MCTP1: variants seen among roughly 807,000 people sequenced by gnomAD.
MCTP1 encodes the protein multiple C2 and transmembrane domain-containing protein 1.
A neutral mutation model predicts 120.6 loss-of-function variants in MCTP1; 69 were observed. The ratio of observed to expected loss-of-function variants is 0.57; its 90% confidence interval spans 0.47 to 0.70. The LOEUF (loss-of-function observed/expected upper bound fraction) is 0.70, where lower values mean the gene tolerates loss of function less well. Among genes scored for constraint, MCTP1 ranks in the 30% least tolerant of loss-of-function variants. The pLI, the probability that MCTP1 is intolerant of heterozygous loss-of-function variation, is 0.00. For synonymous variants in MCTP1, 529 were observed against 493.1 expected, an observed-to-expected ratio of 1.07 and a Z score of -0.96; for missense variants, 1,203 against 1,248.8, an observed-to-expected ratio of 0.96 and a Z score of 0.55.
intron 2 of MCTP1, among the ~76,000 whole-genome samples, chr5:95,016,328 T>C (rs925387734): frequency 6.6e-6 from 1 of 152,132 alleles, no homozygotes; most frequent in Non-Finnish European, 1.5e-5. Context: ...GAATGTTTGA[T>C]ATTTGCTAGT....
intron 18 of MCTP1, among the ~76,000 whole-genome samples, chr5:94,787,761 T>G (rs1369099594): frequency 6.6e-6 from 1 of 152,026 alleles, no homozygotes; most frequent in African/African-American, 2.4e-5. Flanking sequence ...GGACTGCAGG[T>G]GCCCGCCATC....
intron 1 of MCTP1, among the ~76,000 whole-genome samples, chr5:95,281,024 A>G (rs994864056): frequency 7.2e-5 from 11 of 152,240 alleles, no homozygotes; most frequent in African/African-American, 2.7e-4. Context: ...AGAACAAGAG[A>G]AAAAATTAAA....
At chr5:94,747,873 C>G (rs1767290111) in intron 19 of MCTP1, among the ~76,000 whole-genome samples, 1 of 152,126 alleles carries the variant, frequency 6.6e-6, no homozygotes, top group Non-Finnish European at 1.5e-5. Context: ...GGTGGATCAT[C>G]TGAGGTCAGG....
intron 1 of MCTP1, among the ~76,000 whole-genome samples, chr5:95,140,319 G>A (rs1425678057): frequency 6.6e-6 from 1 of 152,126 alleles, no homozygotes; most frequent in African/African-American, 2.4e-5. Context: ...TATTGAAGGT[G>A]TTTAAGGCAA....
At chr5:94,826,659 C>A in intron 17 of MCTP1, 1 of 735,962 alleles carries the variant, frequency 1.4e-6, no homozygotes, top group Non-Finnish European at 2.4e-6. Flanking sequence ...TCTGGCACAG[C>A]AGGAACCTTC....
intron 1 of MCTP1, among the ~76,000 whole-genome samples, chr5:95,176,359 T>A (rs557464583): frequency 6.6e-6 from 1 of 152,036 alleles, no homozygotes; most frequent in African/African-American, 2.4e-5. Context: ...GCCCCATCTC[T>A]ACTAAAAATA....
intron 1 of MCTP1, among the ~76,000 whole-genome samples, chr5:95,165,202 G>A (rs368870592): frequency 6.6e-6 from 1 of 152,232 alleles, no homozygotes; most frequent in East Asian, 1.9e-4. Context: ...GCCTCAGCAT[G>A]GAACCAAAGG....
intron 1 of MCTP1, among the ~76,000 whole-genome samples, chr5:95,280,452 C>T (rs1193396491): frequency 6.6e-6 from 1 of 152,208 alleles, no homozygotes; most frequent in African/African-American, 2.4e-5. Flanking sequence ...CACTCTTTAT[C>T]TTAAAATACT....
chr5:94,945,968 G>A (rs1259041606), intron 3 of MCTP1, among the ~76,000 whole-genome samples: 2 of 152,138 alleles, frequency 1.3e-5, no homozygotes, highest in African/African-American at 4.8e-5. Context: ...TAGGCCGTGG[G>A]GCCTACCATC....
intron 12 of MCTP1, among the ~76,000 whole-genome samples, chr5:94,876,690 T>C (rs922104824): frequency 6.6e-6 from 1 of 152,018 alleles, no homozygotes; most frequent in African/African-American, 2.4e-5. Context: ...CTAGCAATGC[T>C]AGAAACTGGA....
intron 12 of MCTP1, among the ~76,000 whole-genome samples, chr5:94,876,461 G>T (rs1020880456): frequency 2.0e-5 from 3 of 152,082 alleles, no homozygotes; most frequent in Non-Finnish European, 2.9e-5. Flanking sequence ...ATTCAATACC[G>T]TGTGGCTAGA....
At chr5:95,217,378 T>C (rs572664420) in intron 1 of MCTP1, among the ~76,000 whole-genome samples, 3 of 152,322 alleles carry the variant, frequency 2.0e-5, no homozygotes, top group Admixed American at 2.0e-4. Context: ...ATCGAAGCAC[T>C]TATATAATTT....
chr5:95,062,456 T>C (rs1162977652), intron 1 of MCTP1, among the ~76,000 whole-genome samples: 1 of 152,212 alleles, frequency 6.6e-6, no homozygotes, highest in Non-Finnish European at 1.5e-5. Context: ...CAGTTGAGGC[T>C]ATAAGGAAAA....
At chr5:95,009,030 G>GT (rs1835335768) in intron 2 of MCTP1, among the ~76,000 whole-genome samples, 1 of 150,338 alleles carries the variant, frequency 6.7e-6, no homozygotes, top group Admixed American at 6.7e-5. Flanking sequence ...GAGAGTGAGG[G>GT]TAAGAGTGAG....
intron 17 of MCTP1, among the ~76,000 whole-genome samples, chr5:94,846,807 C>CTGTG (rs1206315344): frequency 7.7e-5 from 10 of 129,244 alleles, no homozygotes; most frequent in African/African-American, 3.2e-4. Flanking sequence ...ATGTGTGTCT[C>CTGTG]TGTGTGTGTC....
chr5:94,950,964 T>A (rs6556854), intron 3 of MCTP1, among the ~76,000 whole-genome samples: 75,093 of 133,418 alleles, frequency 0.56, 19,710 homozygotes, highest in African/African-American at 0.62. Context: ...AAAAAAAAAA[T>A]GATTTTGTGT....
chr5:95,168,713 A>G (rs191278530), intron 1 of MCTP1, among the ~76,000 whole-genome samples: 2 of 152,248 alleles, frequency 1.3e-5, no homozygotes, highest in East Asian at 1.9e-4. Flanking sequence ...TGTTATTGGC[A>G]TATAAGAATG....
intron 18 of MCTP1, among the ~76,000 whole-genome samples, chr5:94,779,853 G>A (rs1776198488): frequency 6.6e-6 from 1 of 152,080 alleles, no homozygotes; most frequent in Non-Finnish European, 1.5e-5. Context: ...GGATATGCAT[G>A]TATGTATTTT....
intron 10 of MCTP1, among the ~76,000 whole-genome samples, chr5:94,895,884 G>A (rs1803862237): frequency 6.6e-6 from 1 of 152,136 alleles, no homozygotes. Flanking sequence ...CGAATGGGAG[G>A]AAGAGGAATA....
Sources: gnomAD v4.1 joint callset for allele counts (sites outside exome capture counted in the v4.1 genomes callset) on GRCh38, gnomAD v4.1.1 for gene constraint, MANE v1.5 for transcripts, NCBI Gene and HGNC (gene_info 2026-07-23, HGNC 2026-07-21) for gene names.